NCOA6: variants seen among roughly 807,000 people sequenced by gnomAD.
NCOA6 encodes NRC RAP250.
Under a neutral mutation model 171.4 loss-of-function variants are expected in NCOA6, and 49 were observed. That is an observed-to-expected ratio of 0.29 (90% confidence interval 0.23 to 0.36). The LOEUF (loss-of-function observed/expected upper bound fraction) is 0.36. Among genes scored for constraint, NCOA6 ranks in the 10% least tolerant of loss-of-function variants. NCOA6 has a pLI of 1.00. For missense variants in NCOA6, 2,248 were observed against 2,554.5 expected (o/e 0.88, Z 2.59); for synonymous variants, 910 against 927.5 (o/e 0.98, Z 0.34).
At position 34,754,709 on chromosome 20, in the gene NCOA6, A is replaced by C. The variant is rs749459032; in HGVS notation, c.1675+13T>G. 9 of 1,614,038 alleles carry C rather than the reference A, an allele frequency of 5.6e-6. No individual in the cohort carries two copies. Among genetic ancestry groups the C allele is most frequent in the Non-Finnish European group, 6.8e-6 (8 of 1,180,024 alleles). ...TCAATAAATGCTGGCTAAACAAATC[A>C]CAGAAAACAAACCTGCATGCTGGAC... On this transcript the variant is annotated intron_variant, in intron 8 of 14. Transcript: ENST00000359003.
chr20:34,761,474 CTT>C (rs1016109221), intron 5 of NCOA6, among the ~76,000 whole-genome samples: 6 of 141,652 alleles, frequency 4.2e-5, no homozygotes, highest in Admixed American at 7.1e-5. Flanking sequence ...TTTGGTTATG[CTT>C]TTTTTTTTTT....
rs759681311 is a variant in NCOA6 at position 34,757,777 on chromosome 20, C to T, written c.971G>A (p.Gly324Glu). The T allele has an allele frequency of 6.2e-7, 1 of 1,614,098 alleles. No homozygotes were observed. Residue 324 changes from glycine to glutamate, a missense_variant, in exon 7 of 15, where the codon GGA (glycine) becomes GAA (glutamate). Coordinates refer to ENST00000359003, the MANE Select transcript of NCOA6 (RefSeq NM_014071.5). ...CTGGGCTGGAGGAGGTTGAAGGGCT[C>T]CAGAAGGCAGCTGGTTCCAGCCTGG... ...VPPGWNQLPSGALQPPPAQGS... is the reference protein window; with the variant it reads ...VPPGWNQLPSEALQPPPAQGS...
At position 34,766,485 on chromosome 20, in the gene NCOA6, G is replaced by A. The variant is rs183350399; in HGVS notation, c.514+1979C>T. ...ATACAAAACAAAACAAAAATAAGCCGGGTGTGGTAGTGCACGCCTGTAGTC... is the reference window on the plus strand; with the variant it reads ...ATACAAAACAAAACAAAAATAAGCCAGGTGTGGTAGTGCACGCCTGTAGTC... On this transcript the variant is annotated intron_variant, in intron 5 of 14. Transcript: ENST00000359003. Among the ~76,000 whole-genome samples the A allele has an allele frequency of 6.3e-3, 954 of 152,090 alleles. 4 individuals carry two copies. The highest frequency in any genetic ancestry group is 0.011 in the Non-Finnish European group (738 of 67,992).
At chr20:34,774,880 TAATC>T (rs995696635) in intron 4 of NCOA6, among the ~76,000 whole-genome samples, 4 of 152,144 alleles carry the variant, frequency 2.6e-5, no homozygotes, top group Non-Finnish European at 4.4e-5. Flanking sequence ...GATAAAACAA[TAATC>T]AAATAATTGC....
chr20:34,788,020 C>T (rs2077739787), intron 2 of NCOA6, among the ~76,000 whole-genome samples: 1 of 152,098 alleles, frequency 6.6e-6, no homozygotes, highest in African/African-American at 2.4e-5. Flanking sequence ...GCAGATGCCA[C>T]CACGCTTGAC....
intron 12 of NCOA6, 41 bp downstream of exon 12, chr20:34,736,649 A>T: frequency 4.6e-6 from 7 of 1,534,118 alleles, no homozygotes; most frequent in Non-Finnish European, 6.2e-6. Flanking sequence ...TTCACATGTA[A>T]CCCATCCCAC....
chr20:34,757,975 G>A lies in NCOA6; in HGVS notation c.773C>T (p.Pro258Leu), dbSNP rs1456063536. The change falls in exon 7 of 15, where the codon CCC becomes CTC. Residue 258 changes from proline to leucine, a missense_variant. Physicochemically the swap from Pro to Leu is moderately conservative, Grantham distance 98. Coordinates refer to ENST00000359003, the MANE Select transcript of NCOA6 (RefSeq NM_014071.5). ...TTGTTGCTGCTGCTGCTGCAGCTGG[G>A]GAAAATTAGCTGGGTTCATTTGTCT... ...VNRQMNPANF[P>L]QLQQQQQQQQ... 10 of 1,613,750 alleles carry A rather than the reference G, an allele frequency of 6.2e-6. No individual in the cohort carries two copies. The East Asian group carries it at 2.2e-4, about 36-fold the overall frequency.
intron 14 of NCOA6, among the ~76,000 whole-genome samples, chr20:34,721,605 A>ACTC (rs1387803347): frequency 3.3e-5 from 5 of 151,986 alleles, no homozygotes; most frequent in Non-Finnish European, 7.4e-5. Flanking sequence ...TAGGGTTCAC[A>ACTC]CTCCTATGAG....
chr20:34,822,822 G>A (rs1449566601), intron 1 of NCOA6, among the ~76,000 whole-genome samples: 3 of 151,780 alleles, frequency 2.0e-5, no homozygotes, highest in African/African-American at 7.3e-5. Flanking sequence ...ACTTGGACAG[G>A]GAGAAAAAAA....
intron 11 of NCOA6, among the ~76,000 whole-genome samples, chr20:34,737,104 G>A (rs1380573250): frequency 1.3e-5 from 2 of 152,042 alleles, no homozygotes; most frequent in Admixed American, 6.5e-5. Context: ...ATCTTAGTAG[G>A]CAACCCAAAC....
Position 34,749,436 on chromosome 20 carries a change from G to C in NCOA6, c.2759C>G (p.Pro920Arg). 1 of 1,610,900 alleles carries C rather than the reference G, an allele frequency of 6.2e-7. No individual in the cohort carries two copies. The highest frequency in any genetic ancestry group is 8.5e-7 in the Non-Finnish European group (1 of 1,178,142). The stretch of plus-strand genomic sequence containing the variant: ...TTGCTGACTATTTTTCTTCTTCCGA[G>C]GGGGTTTCTTCTTCTTCGGTTTATT... ...NANKPKKKKPPRKKKNSQQDL... is the reference protein window; with the variant it reads ...NANKPKKKKPRRKKKNSQQDL... The change falls in exon 9 of 15, where the codon CCT becomes CGT. Residue 920 changes from proline (P) to arginine (R), a missense_variant. Transcript: ENST00000359003.
chr20:34,793,986 T>C (rs2077982040), intron 1 of NCOA6, among the ~76,000 whole-genome samples: 1 of 152,188 alleles, frequency 6.6e-6, no homozygotes, highest in Admixed American at 6.5e-5. Flanking sequence ...CAAAAAACAA[T>C]TTTTCACTCA....
intron 14 of NCOA6, among the ~76,000 whole-genome samples, chr20:34,718,508 CA>C (rs1263518979): frequency 6.7e-6 from 1 of 149,200 alleles, no homozygotes; most frequent in Non-Finnish European, 1.5e-5. Flanking sequence ...TGGAGTCTTG[CA>C]AATTACTTTT....
chr20:34,798,767 C>A (rs1211829104), intron 1 of NCOA6, among the ~76,000 whole-genome samples: 4 of 152,176 alleles, frequency 2.6e-5, no homozygotes, highest in Non-Finnish European at 5.9e-5. Context: ...AGTTTTACTA[C>A]ACTTGGGGTG....
rs181955693 is a variant in NCOA6, at chr20:34,724,289, T to C, written c.6148+2970A>G. Among the ~76,000 whole-genome samples the C allele has an allele frequency of 3.9e-5, 6 of 152,322 alleles. No individual in the cohort carries two copies. The East Asian group carries it at 5.8e-4, about 15-fold the overall frequency. ...CTCTCCAGCAGGCTGAGTATGGTGATGGTACTTTGTACACCTCAATTTTAA... is the reference window on the plus strand; with the variant it reads ...CTCTCCAGCAGGCTGAGTATGGTGACGGTACTTTGTACACCTCAATTTTAA... On this transcript the variant is annotated intron_variant, in intron 14 of 14. Transcript: ENST00000359003.
At position 34,741,459 on chromosome 20, in the gene NCOA6, T is replaced by C. The variant is rs1165859069; in HGVS notation, c.4797A>G (p.Val1599=). 6.2e-7 allele frequency: 1 copy of C among 1,613,978 alleles called. No individual in the cohort carries two copies. Among genetic ancestry groups the C allele is most frequent in the Non-Finnish European group, 8.5e-7 (1 of 1,180,014 alleles). Residue 1599 remains valine (V), a synonymous_variant, in exon 11 of 15, where the codon GTA becomes GTG. Transcript: ENST00000359003. ...STPLPPNQIT[V]FVTSNPITTS... is the part of the protein sequence containing the mutation. Reference sequence around the variant, plus strand: ...TTGTGATGGGATTGGAAGTGACAAATACAGTTATTTGATTTGGGGGCAAGG... The same window carrying C: ...TTGTGATGGGATTGGAAGTGACAAACACAGTTATTTGATTTGGGGGCAAGG...
At chr20:34,824,363 CTA>C (rs1267559214) in intron 1 of NCOA6, among the ~76,000 whole-genome samples, 3 of 152,222 alleles carry the variant, frequency 2.0e-5, no homozygotes, top group African/African-American at 7.2e-5. Context: ...CTTTACCTTT[CTA>C]TGTTTCAGCT....
At chr20:34,743,414 C>T in intron 10 of NCOA6, 73 bp from the exon 11 acceptor site, 3 of 1,447,860 alleles carry the variant, frequency 2.1e-6, no homozygotes, top group Non-Finnish European at 2.8e-6. Flanking sequence ...AGAGTATAGC[C>T]AAGCAATACT....
intron 1 of NCOA6, among the ~76,000 whole-genome samples, chr20:34,798,635 T>G (rs1396037187): frequency 6.6e-6 from 1 of 152,112 alleles, no homozygotes; most frequent in African/African-American, 2.4e-5. Context: ...ACGGACAAAT[T>G]CCAGTTGTTT....
Sources: allele counts gnomAD v4.1 joint callset (sites outside exome capture counted in the v4.1 genomes callset), GRCh38; gene constraint gnomAD v4.1.1; transcripts MANE v1.5; gene names NCBI Gene and HGNC (gene_info 2026-07-23, HGNC 2026-07-21).